CROT: variants seen among roughly 807,000 people sequenced by gnomAD.
CROT encodes peroxisomal carnitine O-octanoyltransferase.
In CROT, 84 loss-of-function variants were observed where a neutral mutation model predicts 89.2. That is an observed-to-expected ratio of 0.94 (90% CI 0.79 to 1.13). CROT has a LOEUF of 1.13. CROT is among the 50% of genes most tolerant of loss of function. CROT has a pLI of 0.00. For missense variants in CROT, 711 were observed against 727.8 expected, an observed-to-expected ratio of 0.98 and a Z score of 0.27; for synonymous variants, 212 against 239.5, an observed-to-expected ratio of 0.89 and a Z score of 1.06.
In CROT at chr7:87,383,926, T is replaced by C. The variant is rs113203636; in HGVS notation, c.1301+1383T>C. ...ATATATTGATTTCCTTTCTCTTGGA[T>C]ATATACCTAGCAGTGGGATCATCAG... is the stretch of plus-strand genomic sequence containing the variant. On this transcript the variant is annotated intron_variant, in intron 13 of 17. Transcript: ENST00000331536. Among the ~76,000 whole-genome samples the C allele has an allele frequency of 5.9e-5, 9 of 152,282 alleles. 1 individual carries two copies. Among genetic ancestry groups the C allele is most frequent in the African/African-American group, 1.9e-4 (8 of 41,566 alleles).
At chr7:87,366,162 C>T (rs1295676620) in intron 6 of CROT, among the ~76,000 whole-genome samples, 3 of 152,160 alleles carry the variant, frequency 2.0e-5, no homozygotes, top group Admixed American at 1.3e-4. Flanking sequence ...ATTATATCCT[C>T]AACCTTTTCT....
intron 3 of CROT, among the ~76,000 whole-genome samples, chr7:87,350,993 G>T (rs1805848217): frequency 6.6e-6 from 1 of 151,592 alleles, no homozygotes. Context: ...GATAGTGGCT[G>T]GTGTCTTTTT....
At chr7:87,391,475 C>CTG (rs765860171) in intron 13 of CROT, 114 bp from the exon 14 acceptor site, 26 of 953,108 alleles carry the variant, frequency 2.7e-5, no homozygotes, top group Non-Finnish European at 3.7e-5. Context: ...TCCAACCTAT[C>CTG]TGTGTTAAAG....
At chr7:87,394,925 C>A (rs928133560) in intron 17 of CROT, among the ~76,000 whole-genome samples, 3 of 151,874 alleles carry the variant, frequency 2.0e-5, no homozygotes, top group African/African-American at 7.3e-5. Context: ...TCAAGAAAAT[C>A]ACTGAGGACA....
chr7:87,382,192 C>T lies in CROT; in HGVS notation c.1170+11C>T. On this transcript the variant is annotated intron_variant, in intron 12 of 17. Coordinates refer to ENST00000331536, the MANE Select transcript of CROT (RefSeq NM_021151.4). ...CAGTATCTCAGGGAGGTATATTTTT[C>T]ACTTTTCTCTTAAATAATAATGATT... 6.3e-7 allele frequency: 1 copy of T among 1,578,388 alleles called. No homozygotes were observed. Among genetic ancestry groups the T allele is most frequent in the Non-Finnish European group, 8.7e-7 (1 of 1,154,738 alleles).
At chr7:87,393,291 C>CCTTAGGTGTCTTTA (rs1227152611) in intron 17 of CROT, among the ~76,000 whole-genome samples, 10 of 152,226 alleles carry the variant, frequency 6.6e-5, no homozygotes, top group African/African-American at 2.4e-4. Flanking sequence ...ATGCAGAACA[C>CCTTAGGTGTCTTTA]TGTTTCAAGT....
intron 7 of CROT, chr7:87,375,381 C>T (rs909802141): frequency 7.7e-5 from 31 of 405,204 alleles, no homozygotes; most frequent in Non-Finnish European, 1.0e-4. Context: ...TATATATCAG[C>T]GAAACTAAAT....
At chr7:87,356,765 G>A (rs931302027) in intron 3 of CROT, among the ~76,000 whole-genome samples, 1 of 152,208 alleles carries the variant, frequency 6.6e-6, no homozygotes, top group Non-Finnish European at 1.5e-5. Flanking sequence ...GCTCACGTCT[G>A]TAATCCCAGT....
At chr7:87,381,316 C>A (rs1806994186) in intron 10 of CROT, among the ~76,000 whole-genome samples, 2 of 152,180 alleles carry the variant, frequency 1.3e-5, no homozygotes, top group South Asian at 2.1e-4. Context: ...ACTGCAATTT[C>A]TTTCTCTAAA....
At chr7:87,373,123 G>A (rs754288617) in intron 7 of CROT, among the ~76,000 whole-genome samples, 7 of 151,986 alleles carry the variant, frequency 4.6e-5, no homozygotes, top group Admixed American at 2.6e-4. Flanking sequence ...CTTATTGTCT[G>A]CCTTTTTTAT....
chr7:87,361,010 C>G (rs1316298711), intron 4 of CROT, among the ~76,000 whole-genome samples: 1 of 152,112 alleles, frequency 6.6e-6, no homozygotes, highest in Non-Finnish European at 1.5e-5. Flanking sequence ...TCTCTGTCAC[C>G]AAGGCTGGAG....
Position 87,355,082 on chromosome 7 carries a change from C to T in CROT, c.116-4124C>T, listed in dbSNP as rs551617398. ...TACAAAAGTATTCCCTTCTGTATAA[C>T]CTTTCTTACCAAAAATATGTATTTT... On this transcript the variant is annotated intron_variant, in intron 3 of 17. Coordinates refer to ENST00000331536, the MANE Select transcript of CROT (RefSeq NM_021151.4). Among the ~76,000 whole-genome samples the T allele has an allele frequency of 2.0e-5, 3 of 147,536 alleles. No homozygotes were observed. In the South Asian group the frequency reaches 6.4e-4, roughly 32 times the overall value.
At chr7:87,368,105 CCTTG>C (rs1379986973) in intron 6 of CROT, among the ~76,000 whole-genome samples, 1 of 152,174 alleles carries the variant, frequency 6.6e-6, no homozygotes, top group Non-Finnish European at 1.5e-5. Flanking sequence ...GCTGCACTGA[CCTTG>C]TTTTCCTTTA....
chr7:87,381,769 A>G, intron 10 of CROT, 141 bp from the exon 11 acceptor site: 1 of 573,714 alleles, frequency 1.7e-6, no homozygotes, highest in South Asian at 2.6e-5. Flanking sequence ...CTTCTATCTT[A>G]TCATATCCTC....
At chr7:87,384,310 TC>T (rs1323068619) in intron 13 of CROT, among the ~76,000 whole-genome samples, 1 of 152,150 alleles carries the variant, frequency 6.6e-6, no homozygotes, top group Non-Finnish European at 1.5e-5. Context: ...GGTGGGCAGA[TC>T]ACCTGAGGTC....
Position 87,375,922 on chromosome 7 carries a change from G to A in CROT, c.845G>A (p.Ser282Asn). Residue 282 changes from serine (S) to asparagine (N), a missense_variant, in exon 9 of 18, where the codon AGT (serine) becomes AAT (asparagine). Physicochemically the swap from Ser to Asn is conservative, Grantham distance 46. Transcript: ENST00000331536. ...CTGGTATATTCCATGGAGGATAGCA[G>A]TCCACATGTAACACCAGAGGATTAT... Reference protein sequence around the residue: ...SLLVYSMEDSSPHVTPEDYSE... With the variant: ...SLLVYSMEDSNPHVTPEDYSE... 6.2e-7 allele frequency: 1 copy of A among 1,612,364 alleles called. No homozygotes were observed. The highest frequency in any genetic ancestry group is 1.7e-4 in the Middle Eastern group (1 of 6,048).
intron 2 of CROT, among the ~76,000 whole-genome samples, chr7:87,348,764 G>C (rs1805777899): frequency 6.6e-6 from 1 of 152,220 alleles, no homozygotes; most frequent in Non-Finnish European, 1.5e-5. Context: ...CATGTTTTCT[G>C]TAATGCAAAC....
At chr7:87,385,084 G>C (rs1584645048) in intron 13 of CROT, among the ~76,000 whole-genome samples, 1 of 150,286 alleles carries the variant, frequency 6.7e-6, no homozygotes, top group African/African-American at 2.4e-5. Flanking sequence ...ATGCTGTTTT[G>C]GTTACTATAG....
In CROT at chr7:87,398,553, C is replaced by G; in HGVS notation, c.1748C>G (p.Ser583Cys). ...RFVVACSAWK[S>C]CPETDAEKLV... is the part of the protein sequence containing the mutation. ...GTTGTGGCCTGTTCAGCCTGGAAATCCTGTCCCGAGACTGATGCGGAAAAG... is the reference window on the plus strand; with the variant it reads ...GTTGTGGCCTGTTCAGCCTGGAAATGCTGTCCCGAGACTGATGCGGAAAAG... The change falls in exon 18 of 18, where the codon TCC (serine) becomes TGC (cysteine). Residue 583 changes from serine (S) to cysteine (C), a missense_variant. Ser to Cys is a moderately radical substitution (Grantham distance 112, BLOSUM62 -1). Transcript: ENST00000331536. 6.2e-7 allele frequency: 1 copy of G among 1,613,774 alleles called. No individual in the cohort carries two copies. Among genetic ancestry groups the G allele is most frequent in the Non-Finnish European group, 8.5e-7 (1 of 1,179,890 alleles).
Sources: gnomAD v4.1 joint callset for allele counts (sites outside exome capture counted in the v4.1 genomes callset) on GRCh38, gnomAD v4.1.1 for gene constraint, MANE v1.5 for transcripts, NCBI Gene and HGNC (gene_info 2026-07-23, HGNC 2026-07-21) for gene names.